ZNF704: variants seen among roughly 807,000 people sequenced by gnomAD.
ZNF704 encodes glucocorticoid induced gene 1.
ZNF704 carries 10 observed loss-of-function variants against 44.7 expected under a neutral mutation model. The observed-to-expected ratio is 0.22, with a 90% CI of 0.14 to 0.38. The LOEUF (loss-of-function observed/expected upper bound fraction) is 0.38, where lower values mean the gene tolerates loss of function less well. ZNF704 is among the 10% of genes least tolerant of loss of function. ZNF704 has a pLI of 1.00. For synonymous variants in ZNF704, 211 were observed against 207.6 expected (o/e 1.02, Z -0.14); for missense variants, 390 against 545.5 (o/e 0.71, Z 2.84).
chr8:80,692,767 T>C (rs1182836433), intron 3 of ZNF704, among the ~76,000 whole-genome samples: 1 of 151,916 alleles, frequency 6.6e-6, no homozygotes, highest in Non-Finnish European at 1.5e-5. Context: ...ACAAAGGAGC[T>C]CAATAAAAGT....
chr8:80,838,281 G>T (rs1808615215), intron 1 of ZNF704, among the ~76,000 whole-genome samples: 1 of 152,204 alleles, frequency 6.6e-6, no homozygotes, highest in Admixed American at 6.5e-5. Context: ...CAAAAACGCA[G>T]TTAGAACAGA....
At chr8:80,826,038 C>A (rs1407079272) in intron 1 of ZNF704, among the ~76,000 whole-genome samples, 1 of 151,626 alleles carries the variant, frequency 6.6e-6, no homozygotes, top group Non-Finnish European at 1.5e-5. Context: ...AGAGCAAACA[C>A]ATCCAAAAGC....
upstream of ZNF704, among the ~76,000 whole-genome samples, chr8:80,878,294 A>AAGGT (rs1554590346): frequency 3.6e-3 from 544 of 151,546 alleles, 11 homozygotes; most frequent in African/African-American, 0.013. Flanking sequence ...GGAAGGAAGG[A>AAGGT]AGGAAGGAAG....
intron 2 of ZNF704, among the ~76,000 whole-genome samples, chr8:80,776,178 A>G (rs1416363764): frequency 1.3e-5 from 2 of 152,156 alleles, no homozygotes; most frequent in East Asian, 3.8e-4. Flanking sequence ...TGTTTTGCCT[A>G]TAGTTTTCAC....
At chr8:80,708,481 G>T (rs1345264242) in intron 2 of ZNF704, among the ~76,000 whole-genome samples, 1 of 152,250 alleles carries the variant, frequency 6.6e-6, no homozygotes, top group Non-Finnish European at 1.5e-5. Context: ...TCCAGAGAAA[G>T]CAAAGCATTT....
intron 2 of ZNF704, among the ~76,000 whole-genome samples, chr8:80,774,793 G>T (rs894718907): frequency 6.6e-6 from 1 of 152,178 alleles, no homozygotes; most frequent in Non-Finnish European, 1.5e-5. Flanking sequence ...GTCTCGCTAG[G>T]ATGTTCCTGT....
rs576557190 is a variant in ZNF704, at chr8:80,826,100, G to C, written c.-21-4485C>G. Among the ~76,000 whole-genome samples the C allele has an allele frequency of 3.4e-4, 52 of 152,190 alleles. 1 individual carries two copies. Among genetic ancestry groups the C allele is most frequent in the African/African-American group, 1.2e-3 (50 of 41,536 alleles). On this transcript the variant is annotated intron_variant, in intron 1 of 8. Transcript: ENST00000327835. ...TCAGAGCAGAACTGAAAGAAATAGA[G>C]ACACAAAAAACCCTTCAAAAAAATC...
intron 1 of ZNF704, among the ~76,000 whole-genome samples, chr8:80,827,564 A>C (rs1476338370): frequency 6.6e-6 from 1 of 152,234 alleles, no homozygotes; most frequent in Non-Finnish European, 1.5e-5. Context: ...GAATTGGAAA[A>C]AAACTACTTT....
chr8:80,799,726 C>T (rs1807867616), intron 2 of ZNF704, among the ~76,000 whole-genome samples: 1 of 152,184 alleles, frequency 6.6e-6, no homozygotes, highest in Non-Finnish European at 1.5e-5. Flanking sequence ...TGCAAAAACG[C>T]TGAAAACTCA....
At chr8:80,699,220 C>G (rs1311537594) in intron 2 of ZNF704, among the ~76,000 whole-genome samples, 1 of 152,120 alleles carries the variant, frequency 6.6e-6, no homozygotes, top group Admixed American at 6.5e-5. Flanking sequence ...TCTGAGAAAG[C>G]TTTTACTAAG....
chr8:80,659,251 A>AT (rs1402462471), intron 7 of ZNF704, among the ~76,000 whole-genome samples: 1 of 152,142 alleles, frequency 6.6e-6, no homozygotes, highest in African/African-American at 2.4e-5. Context: ...GATAAACACC[A>AT]TTTTTTCCAT....
chr8:80,843,168 A>G (rs551694538), intron 1 of ZNF704, among the ~76,000 whole-genome samples: 1 of 152,352 alleles, frequency 6.6e-6, no homozygotes, highest in Non-Finnish European at 1.5e-5. Flanking sequence ...ATTCATTTGT[A>G]TTTTCTAAGA....
intron 2 of ZNF704, among the ~76,000 whole-genome samples, chr8:80,743,725 T>C (rs1233737568): frequency 6.6e-6 from 1 of 152,234 alleles, no homozygotes; most frequent in Non-Finnish European, 1.5e-5. Context: ...TGCCTCTTAC[T>C]ACCCAATGTG....
chr8:80,706,428 T>C (rs1472760548), intron 2 of ZNF704, among the ~76,000 whole-genome samples: 2 of 152,220 alleles, frequency 1.3e-5, no homozygotes, highest in Non-Finnish European at 2.9e-5. Context: ...CCTGAAATAG[T>C]ATCATCATTA....
At chr8:80,825,933 G>A (rs1413609710) in intron 1 of ZNF704, among the ~76,000 whole-genome samples, 3 of 152,092 alleles carry the variant, frequency 2.0e-5, no homozygotes, top group Non-Finnish European at 4.4e-5. Context: ...AGCAGTGTCT[G>A]GAGGGAAATT....
intron 2 of ZNF704, among the ~76,000 whole-genome samples, chr8:80,715,195 C>T (rs987743752): frequency 6.6e-6 from 1 of 152,174 alleles, no homozygotes; most frequent in Non-Finnish European, 1.5e-5. Context: ...ATACAGGATG[C>T]ATTTTCGGAC....
chr8:80,713,210 TG>T (rs1186907620), intron 2 of ZNF704, among the ~76,000 whole-genome samples: 3 of 152,196 alleles, frequency 2.0e-5, no homozygotes, highest in Non-Finnish European at 4.4e-5. Context: ...TTGTCACCCT[TG>T]TTCACAATCA....
chr8:80,823,480 C>T (rs550624036), intron 1 of ZNF704, among the ~76,000 whole-genome samples: 2 of 152,386 alleles, frequency 1.3e-5, no homozygotes, highest in African/African-American at 4.8e-5. Flanking sequence ...CCTCTGTAGA[C>T]TCCACCTCTG....
rs551420617 is a variant in ZNF704 at position 80,724,046 on chromosome 8, T to C, written c.222-30939A>G. Among the ~76,000 whole-genome samples, 11 of 152,342 alleles carry C rather than the reference T, an allele frequency of 7.2e-5. No homozygotes were observed. The East Asian group carries it at 1.5e-3, about 21-fold the overall frequency. On this transcript the variant is annotated intron_variant, in intron 2 of 8. Coordinates refer to ENST00000327835, the MANE Select transcript of ZNF704 (RefSeq NM_001033723.3). ...AACTGTATTATATTTACGCAAGTAA[T>C]GTATACAAAAATGGTGTTGTTTTGA...
Sources: allele counts gnomAD v4.1 joint callset (sites outside exome capture counted in the v4.1 genomes callset), GRCh38; gene constraint gnomAD v4.1.1; transcripts MANE v1.5; gene names NCBI Gene and HGNC (gene_info 2026-07-23, HGNC 2026-07-21).